Variants in RAP1GAP2 observed in about 807,000 individuals in gnomAD.
RAP1GAP2 encodes the protein rap1 GTPase-activating protein 2.
In RAP1GAP2, 27 loss-of-function variants were observed where a neutral mutation model predicts 95.0. That is an observed-to-expected ratio of 0.28 (90% CI 0.21 to 0.39). The LOEUF (loss-of-function observed/expected upper bound fraction) is 0.39. Among genes scored for constraint, RAP1GAP2 ranks in the 10% least tolerant of loss-of-function variants. The probability of loss-of-function intolerance (pLI) is 1.00; values close to 1 mark genes in which losing one functional copy is unlikely to be tolerated. For synonymous variants in RAP1GAP2, 373 were observed against 380.9 expected, an observed-to-expected ratio of 0.98 and a Z score of 0.24; for missense variants, 771 against 970.0, an observed-to-expected ratio of 0.79 and a Z score of 2.72.
chr17:2,901,674 G>A (rs1567758858), intron 2 of RAP1GAP2, among the ~76,000 whole-genome samples: 1 of 151,940 alleles, frequency 6.6e-6, no homozygotes, highest in Non-Finnish European at 1.5e-5. Context: ...TGTGTGATAT[G>A]TTTGCCTGAG....
chr17:2,922,251 T>A (rs2042804796), intron 3 of RAP1GAP2, among the ~76,000 whole-genome samples: 1 of 152,196 alleles, frequency 6.6e-6, no homozygotes, highest in Non-Finnish European at 1.5e-5. Flanking sequence ...CCCTCAGGCC[T>A]TCTATGAGGA....
intron 2 of RAP1GAP2, among the ~76,000 whole-genome samples, chr17:2,836,043 G>T (rs1439707603): frequency 6.6e-6 from 1 of 152,104 alleles, no homozygotes; most frequent in Admixed American, 6.6e-5. Flanking sequence ...GGCGGGGTGT[G>T]TTGGTGCATC....
rs887259996 is a variant in RAP1GAP2, at chr17:3,026,332, A to G, written c.1866-18A>G. 2 of 1,542,580 alleles carry G rather than the reference A, an allele frequency of 1.3e-6. No individual in the cohort carries two copies. The highest frequency in any genetic ancestry group is 2.7e-5 in the African/African-American group (2 of 72,902). ...CTCGCGTGTGACCCGGGCTGGCCTC[A>G]CTTCCTATTCCCTGCAGGCCCTTCA... On this transcript the variant is annotated intron_variant, in intron 20 of 24. Coordinates refer to ENST00000254695, the MANE Select transcript of RAP1GAP2 (RefSeq NM_015085.5).
intron 1 of RAP1GAP2, among the ~76,000 whole-genome samples, chr17:2,756,012 G>A (rs1448558664): frequency 6.6e-6 from 1 of 152,034 alleles, no homozygotes; most frequent in Admixed American, 6.6e-5. Flanking sequence ...TGTGCGAGCC[G>A]TCAGGCTTTG....
At chr17:2,770,333 G>A (rs1231604570) in exon 2 of RAP1GAP2, 3 of 398,654 alleles carry the variant, frequency 7.5e-6, no homozygotes, top group Non-Finnish European at 1.3e-5. Flanking sequence ...CCACAGGTAC[G>A]TGCAGGAAGG....
chr17:2,856,831 C>A (rs11658868), intron 2 of RAP1GAP2, among the ~76,000 whole-genome samples: 70,813 of 152,128 alleles, frequency 0.47, 16,535 homozygotes, highest in Middle Eastern at 0.54. Context: ...TCTGTCGCTC[C>A]AACCATCCTG....
intron 2 of RAP1GAP2, among the ~76,000 whole-genome samples, chr17:2,810,594 G>T (rs1347234122): frequency 1.6e-5 from 2 of 126,540 alleles, no homozygotes; most frequent in Non-Finnish European, 3.1e-5. Context: ...GCAATGGTAC[G>T]ATCTTGGCTC....
At chr17:3,006,836 T>C (rs1054718796) in intron 16 of RAP1GAP2, among the ~76,000 whole-genome samples, 8 of 148,912 alleles carry the variant, frequency 5.4e-5, no homozygotes, top group Non-Finnish European at 1.2e-4. Flanking sequence ...GTACACAGGG[T>C]AGTCGGGGGG....
intron 17 of RAP1GAP2, 129 bp from the exon 18 acceptor site, chr17:3,017,916 CGTGTGTGTGTGTGTGT>C (rs56791699): frequency 1.8e-6 from 1 of 561,302 alleles, no homozygotes; most frequent in Non-Finnish European, 2.9e-6. Flanking sequence ...CCTCTGTGAC[CGTGTGTGTGTGTGTGT>C]GTGTGTGTGT....
At chr17:2,940,804 G>A (rs1245882052) in intron 3 of RAP1GAP2, among the ~76,000 whole-genome samples, 2 of 152,178 alleles carry the variant, frequency 1.3e-5, no homozygotes, top group African/African-American at 2.4e-5. Context: ...CTGCCAGCCC[G>A]GGACTGGCTG....
intron 3 of RAP1GAP2, among the ~76,000 whole-genome samples, chr17:2,941,102 G>GTT (rs1344243407): frequency 6.6e-6 from 1 of 152,184 alleles, no homozygotes; most frequent in Non-Finnish European, 1.5e-5. Context: ...CCTGATTGAT[G>GTT]TTTCAAAAGA....
chr17:2,804,995 C>T lies in RAP1GAP2; in HGVS notation c.80+4445C>T, dbSNP rs182766537. Among the ~76,000 whole-genome samples, 96 of 152,310 alleles carry T rather than the reference C, an allele frequency of 6.3e-4. 1 individual carries two copies. The East Asian group carries it at 6.4e-3, about 10-fold the overall frequency. ...CAGGACCTTGGTGATGGTAGGCGCT[C>T]GCTGTTGAGTGAGTGAATGCATGGC... On this transcript the variant is annotated intron_variant, in intron 2 of 24. Coordinates refer to ENST00000254695, the MANE Select transcript of RAP1GAP2 (RefSeq NM_015085.5).
At position 3,003,437 on chromosome 17, in the gene RAP1GAP2, C is replaced by T. The variant is rs1186273218; in HGVS notation, c.1201-1932C>T. On this transcript the variant is annotated intron_variant, in intron 14 of 24. Transcript: ENST00000254695. This position sits in a 1 kb window ranked among gnomAD's most constrained non-coding sequence, Gnocchi z 4.1. Reference sequence around the variant, plus strand: ...TGTCAGGAATCTCAGGTGAAGCCCACCGCCGGGGAGGGCCCTGTCTTTGTA... The same window carrying T: ...TGTCAGGAATCTCAGGTGAAGCCCATCGCCGGGGAGGGCCCTGTCTTTGTA... Among the ~76,000 whole-genome samples the T allele has an allele frequency of 6.6e-6, 1 of 152,202 alleles. No individual in the cohort carries two copies. The highest frequency in any genetic ancestry group is 1.5e-5 in the Non-Finnish European group (1 of 68,036).
rs142459950 is a variant in RAP1GAP2 at position 2,807,420 on chromosome 17, A to T, written c.80+6870A>T. ...AGAGTTTGCTGGGGTTGTCAAGGAC[A>T]GGGGGAGCTTGAGGTTTTTGGGGGT... On this transcript the variant is annotated intron_variant, in intron 2 of 24. Transcript: ENST00000254695. 3.6e-3 allele frequency among the ~76,000 whole-genome samples: 551 copies of T among 152,250 alleles called. 2 individuals carry two copies. Among genetic ancestry groups the T allele is most frequent in the Middle Eastern group, 0.017 (5 of 294 alleles).
intron 8 of RAP1GAP2, among the ~76,000 whole-genome samples, chr17:2,969,830 C>T (rs1439826630): frequency 1.3e-5 from 2 of 152,094 alleles, no homozygotes; most frequent in African/African-American, 4.8e-5. Flanking sequence ...TATTTCCTTC[C>T]TTATTTCCAC....
At chr17:2,791,008 C>T (rs1567650505) in intron 1 of RAP1GAP2, among the ~76,000 whole-genome samples, 1 of 152,240 alleles carries the variant, frequency 6.6e-6, no homozygotes, top group Non-Finnish European at 1.5e-5. Context: ...AGTTCGAGAC[C>T]ATCCAGGCCA....
At chr17:2,845,733 C>T (rs139546628) in intron 2 of RAP1GAP2, among the ~76,000 whole-genome samples, 1,759 of 151,692 alleles carry the variant, frequency 0.012, 43 homozygotes, top group African/African-American at 0.04. Context: ...TGGTGGTAGG[C>T]GCCTGTAATC....
intron 17 of RAP1GAP2, among the ~76,000 whole-genome samples, chr17:3,013,515 C>G (rs965244860): frequency 6.6e-6 from 1 of 152,142 alleles, no homozygotes; most frequent in African/African-American, 2.4e-5. Context: ...CTCACACTTA[C>G]CCAGCCTGCC....
chr17:2,991,524 G>T, intron 12 of RAP1GAP2, 127 bp downstream of exon 12: 1 of 709,060 alleles, frequency 1.4e-6, no homozygotes. Context: ...TGGCTTTTCA[G>T]GGTCTTGTCG....
Sources: gnomAD v4.1 joint callset for allele counts (sites outside exome capture counted in the v4.1 genomes callset) on GRCh38, gnomAD v4.1.1 for gene constraint, Gnocchi (gnomAD v3.1) non-coding constraint, MANE v1.5 for transcripts, NCBI Gene and HGNC (gene_info 2026-07-23, HGNC 2026-07-21) for gene names.